NCOA1: variants seen among roughly 807,000 people sequenced by gnomAD.
NCOA1 encodes the protein Hin-2 protein.
Under a neutral mutation model 150.9 loss-of-function variants are expected in NCOA1, and 35 were observed. The observed-to-expected ratio is 0.23, with a 90% CI of 0.18 to 0.31. NCOA1 has a LOEUF of 0.31. Ranked by LOEUF, NCOA1 falls within the 10% of genes least tolerant of loss-of-function variation. The pLI, the probability that NCOA1 is intolerant of heterozygous loss-of-function variation, is 1.00. For synonymous variants in NCOA1, 590 were observed against 630.0 expected (o/e 0.94, Z 0.95); for missense variants, 1,491 against 1,749.3 (o/e 0.85, Z 2.63).
intron 1 of NCOA1, among the ~76,000 whole-genome samples, chr2:24,510,383 G>A (rs1463709487): frequency 6.6e-6 from 1 of 152,092 alleles, no homozygotes; most frequent in Non-Finnish European, 1.5e-5. Context: ...GTCTTGCTCT[G>A]TTGCCCAGAT....
chr2:24,707,746 A>T lies in NCOA1; in HGVS notation c.2276A>T (p.Asp759Val). ...LRYLLDKDEK[D>V]LRSTPNLSLD... ...TATCTTTTAGATAAAGATGAGAAAGATTTAAGATCAACTCCAAACCTGAGC... is the reference window on the plus strand; with the variant it reads ...TATCTTTTAGATAAAGATGAGAAAGTTTTAAGATCAACTCCAAACCTGAGC... The change falls in exon 13 of 23, where the codon GAT becomes GTT. Residue 759 changes from aspartate (D) to valine (V), a missense_variant. Asp to Val is a radical substitution (Grantham distance 152). Coordinates refer to ENST00000348332, the MANE Select transcript of NCOA1 (RefSeq NM_003743.5). The T allele has an allele frequency of 6.2e-7, 1 of 1,614,224 alleles. No homozygotes were observed.
At chr2:24,578,331 G>A (rs1350148628) in intron 2 of NCOA1, among the ~76,000 whole-genome samples, 2 of 152,024 alleles carry the variant, frequency 1.3e-5, no homozygotes, top group Admixed American at 6.6e-5. Context: ...GGAAAAACTC[G>A]TGAAACTGTG....
intron 3 of NCOA1, among the ~76,000 whole-genome samples, chr2:24,605,878 G>T (rs900592374): frequency 3.3e-5 from 5 of 152,200 alleles, no homozygotes; most frequent in Non-Finnish European, 7.4e-5. Flanking sequence ...TTTTGGCCAA[G>T]TTTTGTTTCT....
rs554902610 is a variant in NCOA1 at position 24,576,185 on chromosome 2, T to G, written c.-259-8291T>G. 7.5e-4 allele frequency among the ~76,000 whole-genome samples: 74 copies of G among 98,220 alleles called. 2 individuals are homozygous for G. Among genetic ancestry groups the G allele is most frequent in the African/African-American group, 2.3e-3 (69 of 29,946 alleles). 64.4% of individuals were successfully genotyped at this position (98,220 alleles called of 152,430 possible). A position where few individuals can be genotyped will look rare whatever the true frequency, so the allele number is the denominator to read the frequency against. On this transcript the variant is annotated intron_variant, in intron 2 of 22. Transcript: ENST00000348332. ...TTTGTTTTTTGTTTTTTTTTTTTTT[T>G]TTTTTTGTTTGCTAGTCCTTTCTCC... is the stretch of plus-strand genomic sequence containing the variant.
intron 14 of NCOA1, among the ~76,000 whole-genome samples, chr2:24,714,504 A>G (rs922770053): frequency 2.0e-5 from 3 of 152,088 alleles, no homozygotes; most frequent in Middle Eastern, 3.2e-3. Context: ...AACTACAAAA[A>G]AAAAGAGCCA....
At chr2:24,656,087 C>CAA (rs58446937) in intron 4 of NCOA1, among the ~76,000 whole-genome samples, 33 of 61,812 alleles carry the variant, frequency 5.3e-4, no homozygotes, top group East Asian at 1.1e-3. Flanking sequence ...GACTCCGTCT[C>CAA]AAAAAAAAAA....
chr2:24,520,219 A>T (rs936221246), intron 1 of NCOA1, among the ~76,000 whole-genome samples: 4 of 152,228 alleles, frequency 2.6e-5, no homozygotes, highest in African/African-American at 9.6e-5. Context: ...CATATACTTA[A>T]CATGTGACCC....
intron 3 of NCOA1, among the ~76,000 whole-genome samples, chr2:24,590,117 T>C (rs1261780784): frequency 6.6e-6 from 1 of 152,224 alleles, no homozygotes; most frequent in Non-Finnish European, 1.5e-5. Context: ...TCAAAAACTT[T>C]TATCTTAGTG....
chr2:24,657,594 A>G lies in NCOA1; in HGVS notation c.-17-1067A>G, dbSNP rs1671002790. ...TTGTACACCAAAAAATATGACAGTC[A>G]TTAATCTTCAGAAAAGGGCTAGAAG... On this transcript the variant is annotated intron_variant, in intron 4 of 22. Coordinates refer to ENST00000348332, the MANE Select transcript of NCOA1 (RefSeq NM_003743.5). Among the ~76,000 whole-genome samples, 4 of 152,224 alleles carry G rather than the reference A, an allele frequency of 2.6e-5. No homozygotes were observed. The South Asian group carries it at 8.3e-4, about 32-fold the overall frequency.
intron 1 of NCOA1, among the ~76,000 whole-genome samples, chr2:24,493,312 G>A (rs1254700498): frequency 2.6e-5 from 4 of 152,156 alleles, no homozygotes; most frequent in East Asian, 1.9e-4. Context: ...TATGCTTTGG[G>A]AACAGTGGGT....
chr2:24,702,220 T>G (rs1673197758), intron 11 of NCOA1, among the ~76,000 whole-genome samples: 2 of 152,344 alleles, frequency 1.3e-5, no homozygotes, highest in South Asian at 4.1e-4. Context: ...AAATGTGAGT[T>G]TACTGTCCTC....
chr2:24,706,785 G>A lies in NCOA1; in HGVS notation c.1315G>A (p.Gly439Arg), dbSNP rs371609618. Residue 439 changes from glycine to arginine, a missense_variant, in exon 13 of 23, where the codon GGA becomes AGA. Transcript: ENST00000348332. ...TCATAGTAATTCTAGCAACAGCCAA[G>A]GAAGTTTCGGATGCTCACCCGGAAG... is the stretch of plus-strand genomic sequence containing the variant. Reference protein sequence around the residue: ...SSHSNSSNSQGSFGCSPGSQI... With the variant: ...SSHSNSSNSQRSFGCSPGSQI... 4.3e-6 allele frequency: 7 copies of A among 1,614,058 alleles called. No individual in the cohort carries two copies. Among genetic ancestry groups the A allele is most frequent in the African/African-American group, 1.3e-5 (1 of 74,906 alleles).
At chr2:24,712,416 G>A (rs1673789942) in intron 14 of NCOA1, among the ~76,000 whole-genome samples, 3 of 152,148 alleles carry the variant, frequency 2.0e-5, no homozygotes, top group African/African-American at 7.2e-5. Context: ...ACATTGAATG[G>A]GCGGAAAGAT....
At chr2:24,703,762 A>C (rs1350260398) in intron 11 of NCOA1, among the ~76,000 whole-genome samples, 1 of 152,192 alleles carries the variant, frequency 6.6e-6, no homozygotes, top group Non-Finnish European at 1.5e-5. Flanking sequence ...TTGTTTAAGT[A>C]ACATGTAACT....
At chr2:24,588,935 A>T (rs1339384908) in intron 3 of NCOA1, among the ~76,000 whole-genome samples, 1 of 152,184 alleles carries the variant, frequency 6.6e-6, no homozygotes, top group Non-Finnish European at 1.5e-5. Flanking sequence ...CCTTTTGATG[A>T]ACCCTGGTCA....
chr2:24,661,282 T>G (rs1458892976), intron 5 of NCOA1, among the ~76,000 whole-genome samples: 2 of 152,202 alleles, frequency 1.3e-5, no homozygotes, highest in South Asian at 4.1e-4. Flanking sequence ...CACCTTTTTT[T>G]GGTCTTTTAC....
At chr2:24,593,107 G>A (rs1360693201) in intron 3 of NCOA1, among the ~76,000 whole-genome samples, 3 of 152,146 alleles carry the variant, frequency 2.0e-5, no homozygotes, top group Non-Finnish European at 4.4e-5. Flanking sequence ...GAGTTTATTT[G>A]TCAGGATCAA....
At chr2:24,518,226 G>GA (rs1042604231) in intron 1 of NCOA1, among the ~76,000 whole-genome samples, 2 of 151,608 alleles carry the variant, frequency 1.3e-5, no homozygotes, top group African/African-American at 2.4e-5. Context: ...GACTAAAAAG[G>GA]AAAAAAATAT....
intron 19 of NCOA1, among the ~76,000 whole-genome samples, chr2:24,747,934 C>T (rs754115460): frequency 3.3e-5 from 5 of 151,858 alleles, no homozygotes; most frequent in African/African-American, 4.8e-5. Flanking sequence ...TGGAGAAACC[C>T]TGTCTCTACT....
Sources: allele counts gnomAD v4.1 joint callset (sites outside exome capture counted in the v4.1 genomes callset), GRCh38; gene constraint gnomAD v4.1.1; transcripts MANE v1.5; gene names NCBI Gene and HGNC (gene_info 2026-07-23, HGNC 2026-07-21).